The following GRM8 variants were observed in gnomAD, a reference collection of about 807,000 sequenced individuals.
The protein encoded by GRM8 is metabotropic glutamate receptor 8.
A neutral mutation model predicts 87.2 loss-of-function variants in GRM8; 47 were observed. That is an observed-to-expected ratio of 0.54 (90% CI 0.43 to 0.69). GRM8 has a LOEUF of 0.69. Among genes scored for constraint, GRM8 ranks in the 30% least tolerant of loss-of-function variants. The pLI is 0.00. For synonymous variants in GRM8, 396 were observed against 404.5 expected, an observed-to-expected ratio of 0.98 and a Z score of 0.25; for missense variants, 1,019 against 1,139.2, an observed-to-expected ratio of 0.89 and a Z score of 1.52.
chr7:126,991,274 A>G (rs1812632177), intron 3 of GRM8, among the ~76,000 whole-genome samples: 1 of 152,096 alleles, frequency 6.6e-6, no homozygotes, highest in African/African-American at 2.4e-5. Flanking sequence ...TAATCATTGA[A>G]GGAAACAGCA....
At chr7:126,952,169 C>T (rs1808232577) in intron 3 of GRM8, among the ~76,000 whole-genome samples, 1 of 151,788 alleles carries the variant, frequency 6.6e-6, no homozygotes, top group African/African-American at 2.4e-5. Flanking sequence ...AATAAGAGAG[C>T]ACAAACACTA....
chr7:126,589,330 G>T (rs188390370), intron 8 of GRM8, among the ~76,000 whole-genome samples: 1 of 152,168 alleles, frequency 6.6e-6, no homozygotes, highest in South Asian at 2.1e-4. Flanking sequence ...CATGGGAGCC[G>T]GGTGAGGCCT....
At chr7:126,500,340 G>A (rs1257506007) in intron 9 of GRM8, among the ~76,000 whole-genome samples, 1 of 151,922 alleles carries the variant, frequency 6.6e-6, no homozygotes, top group African/African-American at 2.4e-5. Flanking sequence ...TTTCTGCTTT[G>A]TTCTTCGAAT....
chr7:126,770,071 A>T lies in GRM8; in HGVS notation c.1157-6T>A. ...CCGAGCAATTCGCTCCAGCCCTGCA[A>T]AATAAAAAAGTAAAAACCATCAGTT... On this transcript the variant is annotated splice_region_variant and splice_polypyrimidine_tract_variant and intron_variant, in intron 6 of 10. Coordinates refer to ENST00000339582, the MANE Select transcript of GRM8 (RefSeq NM_000845.3). 1.9e-6 allele frequency: 3 copies of T among 1,602,402 alleles called. No individual in the cohort carries two copies. Among genetic ancestry groups the T allele is most frequent in the Non-Finnish European group, 1.7e-6 (2 of 1,171,930 alleles).
At chr7:126,951,624 C>G (rs754978125) in intron 3 of GRM8, among the ~76,000 whole-genome samples, 1 of 151,994 alleles carries the variant, frequency 6.6e-6, no homozygotes, top group Non-Finnish European at 1.5e-5. Flanking sequence ...TGCATAAATG[C>G]TAGAATTTAG....
chr7:126,516,739 T>C (rs1812224707), intron 9 of GRM8, among the ~76,000 whole-genome samples: 1 of 152,102 alleles, frequency 6.6e-6, no homozygotes, highest in Non-Finnish European at 1.5e-5. Flanking sequence ...GAATTCATAG[T>C]ATAAGTGGAC....
At chr7:127,004,481 T>C (rs1226650611) in intron 3 of GRM8, among the ~76,000 whole-genome samples, 1 of 151,406 alleles carries the variant, frequency 6.6e-6, no homozygotes, top group Non-Finnish European at 1.5e-5. Context: ...GGTAAGACAA[T>C]AAATGTGACA....
intron 7 of GRM8, among the ~76,000 whole-genome samples, chr7:126,752,027 T>C (rs1055325456): frequency 1.3e-5 from 2 of 151,464 alleles, no homozygotes; most frequent in Non-Finnish European, 2.9e-5. Context: ...AAACCTCAAA[T>C]CTAACCCATC....
intron 6 of GRM8, among the ~76,000 whole-genome samples, chr7:126,801,332 A>G (rs1470852008): frequency 6.6e-6 from 1 of 151,134 alleles, no homozygotes; most frequent in Non-Finnish European, 1.5e-5. Context: ...CGTCTATTAA[A>G]GCAACCAACA....
intron 7 of GRM8, among the ~76,000 whole-genome samples, chr7:126,710,352 T>C (rs568134499): frequency 6.6e-6 from 1 of 152,330 alleles, no homozygotes; most frequent in South Asian, 2.1e-4. Flanking sequence ...TAACATGTTA[T>C]GCTGTTTAAT....
chr7:126,834,243 C>G (rs1033748138), intron 6 of GRM8, among the ~76,000 whole-genome samples: 1 of 152,154 alleles, frequency 6.6e-6, no homozygotes, highest in Admixed American at 6.5e-5. Context: ...AAACACCTGG[C>G]TAGAATCCTC....
At chr7:126,545,281 C>T (rs1817020182) in intron 8 of GRM8, among the ~76,000 whole-genome samples, 1 of 152,202 alleles carries the variant, frequency 6.6e-6, no homozygotes, top group Non-Finnish European at 1.5e-5. Context: ...CACCCCAACA[C>T]AGTGCATATG....
intron 7 of GRM8, among the ~76,000 whole-genome samples, chr7:126,706,718 G>A (rs1284564926): frequency 1.3e-5 from 2 of 152,150 alleles, no homozygotes; most frequent in East Asian, 1.9e-4. Context: ...AGAATGTTTT[G>A]CCTTTACTAA....
chr7:126,570,705 C>A (rs1054484628), intron 8 of GRM8, among the ~76,000 whole-genome samples: 2 of 152,158 alleles, frequency 1.3e-5, no homozygotes, highest in Non-Finnish European at 1.5e-5. Context: ...CCCCCCATTA[C>A]CCCTACCCAT....
At chr7:127,038,248 G>A (rs1203218088) in intron 3 of GRM8, among the ~76,000 whole-genome samples, 1 of 152,126 alleles carries the variant, frequency 6.6e-6, no homozygotes, top group Non-Finnish European at 1.5e-5. Context: ...TAATCTAGCT[G>A]TGGAGACCAG....
At chr7:127,232,532 G>A (rs1163157896) in intron 2 of GRM8, among the ~76,000 whole-genome samples, 1 of 152,094 alleles carries the variant, frequency 6.6e-6, no homozygotes, top group African/African-American at 2.4e-5. Context: ...TTACAAGTGT[G>A]TGCAACCACA....
chr7:126,504,937 A>C (rs1810215396), intron 9 of GRM8, among the ~76,000 whole-genome samples: 1 of 152,080 alleles, frequency 6.6e-6, no homozygotes, highest in Admixed American at 6.6e-5. Flanking sequence ...CAAAATCACA[A>C]GTTAACAAGC....
At chr7:126,534,022 T>C (rs1365531066) in intron 8 of GRM8, 135 bp from the exon 9 acceptor site, 1 of 666,106 alleles carries the variant, frequency 1.5e-6, no homozygotes, top group Non-Finnish European at 2.5e-6. Flanking sequence ...GTCTCGTTTT[T>C]TTTCCCCTGA....
chr7:126,740,666 A>G (rs1276038347), intron 7 of GRM8, among the ~76,000 whole-genome samples: 1 of 152,162 alleles, frequency 6.6e-6, no homozygotes, highest in Non-Finnish European at 1.5e-5. Context: ...AGAAAACTCT[A>G]TCATTTCTGA....
Sources: allele counts gnomAD v4.1 joint callset (sites outside exome capture counted in the v4.1 genomes callset), GRCh38; gene constraint gnomAD v4.1.1; transcripts MANE v1.5; gene names NCBI Gene and HGNC (gene_info 2026-07-23, HGNC 2026-07-21).